The following ERC2 variants were observed in gnomAD, a reference collection of about 807,000 sequenced individuals.
ERC2 encodes ERC protein 2.
In ERC2, 42 loss-of-function variants were observed where a neutral mutation model predicts 114.8. That is an observed-to-expected ratio of 0.37 (90% confidence interval 0.29 to 0.47). ERC2 has a LOEUF of 0.47. Ranked by LOEUF, ERC2 falls within the 20% of genes least tolerant of loss-of-function variation. The probability of loss-of-function intolerance (pLI) is 0.99; values close to 1 mark genes in which losing one functional copy is unlikely to be tolerated. For synonymous variants in ERC2, 454 were observed against 425.5 expected (o/e 1.07, Z -0.82); for missense variants, 939 against 1,150.7 (o/e 0.82, Z 2.66).
chr3:55,952,220 T>C (rs2067630629), intron 12 of ERC2, among the ~76,000 whole-genome samples: 1 of 132,830 alleles, frequency 7.5e-6, no homozygotes. Context: ...ATATATATTC[T>C]GAACACTTTG....
intron 14 of ERC2, among the ~76,000 whole-genome samples, chr3:55,820,904 A>G (rs1322955783): frequency 6.6e-6 from 1 of 152,192 alleles, no homozygotes; most frequent in East Asian, 1.9e-4. Flanking sequence ...GGAGAGGGAG[A>G]CAGCCTTCTT....
chr3:56,032,772 C>G (rs2074445432), intron 7 of ERC2, among the ~76,000 whole-genome samples: 1 of 150,526 alleles, frequency 6.6e-6, no homozygotes, highest in African/African-American at 2.4e-5. Context: ...TGAAGTGAGG[C>G]TGTAGGATCA....
Position 56,436,482 on chromosome 3 carries a change from C to T in ERC2, c.-140-1335G>A, listed in dbSNP as rs535085114. ...ACCTGCCTATCATTCATCCCTTCCCCCTCTCCCAAATACACACTTTCTGAT... is the reference window on the plus strand; with the variant it reads ...ACCTGCCTATCATTCATCCCTTCCCTCTCTCCCAAATACACACTTTCTGAT... On this transcript the variant is annotated intron_variant, in intron 1 of 17. Coordinates refer to ENST00000288221, the MANE Select transcript of ERC2 (RefSeq NM_015576.3). Among the ~76,000 whole-genome samples, 3 of 152,206 alleles carry T rather than the reference C, an allele frequency of 2.0e-5. No homozygotes were observed. In the East Asian group the frequency reaches 5.8e-4, roughly 29 times the overall value.
chr3:56,262,049 C>G (rs1164584520), intron 3 of ERC2, among the ~76,000 whole-genome samples: 1 of 152,188 alleles, frequency 6.6e-6, no homozygotes, highest in Non-Finnish European at 1.5e-5. Flanking sequence ...CGATCTCATT[C>G]TTTTTCATGG....
intron 13 of ERC2, among the ~76,000 whole-genome samples, chr3:55,894,681 A>C (rs1333103800): frequency 6.6e-6 from 1 of 152,230 alleles, no homozygotes; most frequent in African/African-American, 2.4e-5. Flanking sequence ...CTAACTCAGA[A>C]GGAGAAAATC....
intron 14 of ERC2, among the ~76,000 whole-genome samples, chr3:55,849,203 C>G (rs1320009786): frequency 2.0e-5 from 3 of 152,070 alleles, no homozygotes; most frequent in African/African-American, 7.2e-5. Flanking sequence ...GATAAGAGTC[C>G]CGGACCACCA....
chr3:56,468,069 A>C (rs549333449), intron 1 of ERC2, among the ~76,000 whole-genome samples, 179 bp downstream of exon 1: 211 of 150,288 alleles, frequency 1.4e-3, no homozygotes, highest in African/African-American at 4.7e-3. Flanking sequence ...AGGCCGCCCC[A>C]TCCCTCCCCC....
In ERC2 at chr3:55,871,562, A is replaced by T. The variant is rs191618848; in HGVS notation, c.2564+16827T>A. On this transcript the variant is annotated intron_variant, in intron 14 of 17. Transcript: ENST00000288221. ...ACACTCTGAAAGTTGTTTCTTCAAA[A>T]TCCGGAAGAGGCACCATTCGGCCAA... Among the ~76,000 whole-genome samples, 674 of 152,320 alleles carry T rather than the reference A, an allele frequency of 4.4e-3. 7 individuals are homozygous for T. The highest frequency in any genetic ancestry group is 5.5e-3 in the Non-Finnish European group (376 of 68,024).
intron 14 of ERC2, among the ~76,000 whole-genome samples, chr3:55,755,015 C>A (rs573057642): frequency 5.1e-4 from 78 of 152,022 alleles, no homozygotes; most frequent in African/African-American, 1.8e-3. Flanking sequence ...AAATTAATCT[C>A]CATTTTTATA....
chr3:55,900,603 A>G (rs1449779414), intron 13 of ERC2, among the ~76,000 whole-genome samples: 1 of 152,224 alleles, frequency 6.6e-6, no homozygotes, highest in Admixed American at 6.5e-5. Context: ...GCTCAAATCA[A>G]GCCTGACTCC....
chr3:55,698,132 A>G (rs1452007349), intron 16 of ERC2, among the ~76,000 whole-genome samples: 1 of 151,994 alleles, frequency 6.6e-6, no homozygotes, highest in African/African-American at 2.4e-5. Flanking sequence ...ACATGAAATC[A>G]TGCCCTGTCT....
chr3:56,430,993 CTT>C (rs1272670310), intron 2 of ERC2, among the ~76,000 whole-genome samples: 2 of 151,996 alleles, frequency 1.3e-5, no homozygotes, highest in Non-Finnish European at 2.9e-5. Context: ...AGCTATGCTG[CTT>C]ACCAACTGTG....
intron 2 of ERC2, among the ~76,000 whole-genome samples, chr3:56,299,081 C>T (rs1237273699): frequency 1.3e-5 from 2 of 148,724 alleles, no homozygotes; most frequent in Non-Finnish European, 3.0e-5. Context: ...ACATATATAG[C>T]TAGATAGGTA....
chr3:55,632,103 C>G (rs1455540286), intron 17 of ERC2, among the ~76,000 whole-genome samples: 1 of 152,220 alleles, frequency 6.6e-6, no homozygotes, highest in African/African-American at 2.4e-5. Context: ...CTGAGTTACT[C>G]TCTGAATGAA....
At chr3:55,833,638 C>G (rs1017450118) in intron 14 of ERC2, among the ~76,000 whole-genome samples, 1 of 152,268 alleles carries the variant, frequency 6.6e-6, no homozygotes, top group African/African-American at 2.4e-5. Context: ...ACAACTGGTA[C>G]CAACCACTGC....
chr3:56,085,269 TAG>T (rs2077445347), intron 6 of ERC2, among the ~76,000 whole-genome samples: 2 of 151,388 alleles, frequency 1.3e-5, no homozygotes, highest in Non-Finnish European at 2.9e-5. Flanking sequence ...GTTGGGGGAG[TAG>T]AGAGTTTTTC....
At chr3:55,948,895 C>A (rs1367045721) in intron 13 of ERC2, among the ~76,000 whole-genome samples, 1 of 152,170 alleles carries the variant, frequency 6.6e-6, no homozygotes, top group African/African-American at 2.4e-5. Context: ...ATTATAACAA[C>A]CATTAGTCAT....
intron 5 of ERC2, among the ~76,000 whole-genome samples, chr3:56,140,150 C>T (rs550296015): frequency 6.6e-6 from 1 of 152,064 alleles, no homozygotes; most frequent in Non-Finnish European, 1.5e-5. Context: ...TTTTTGCTTA[C>T]ATTAAATATT....
chr3:56,228,980 C>A (rs912297967), intron 3 of ERC2, among the ~76,000 whole-genome samples: 2 of 152,092 alleles, frequency 1.3e-5, no homozygotes, highest in African/African-American at 2.4e-5. Flanking sequence ...GAGTCCATAC[C>A]AGTCCTATTT....
Sources: allele counts gnomAD v4.1 joint callset (sites outside exome capture counted in the v4.1 genomes callset), GRCh38; gene constraint gnomAD v4.1.1; transcripts MANE v1.5; gene names NCBI Gene and HGNC (gene_info 2026-07-23, HGNC 2026-07-21).